Variants in NR6A1 observed in about 807,000 individuals in gnomAD.
NR6A1 encodes nuclear receptor subfamily 6 group A member 1.
A neutral mutation model predicts 59.1 loss-of-function variants in NR6A1; 7 were observed. The observed-to-expected ratio is 0.12, with a 90% CI of 0.07 to 0.22. NR6A1 has a LOEUF of 0.22. NR6A1 is among the 10% of genes least tolerant of loss of function. The pLI is 1.00. For synonymous variants in NR6A1, 243 were observed against 236.1 expected, an observed-to-expected ratio of 1.03 and a Z score of -0.27; for missense variants, 468 against 611.6, an observed-to-expected ratio of 0.77 and a Z score of 2.48.
intron 2 of NR6A1, among the ~76,000 whole-genome samples, chr9:124,597,714 C>A (rs1410381793): frequency 6.6e-6 from 1 of 152,118 alleles, no homozygotes; most frequent in Non-Finnish European, 1.5e-5. Flanking sequence ...GGATATAGAG[C>A]CACATTTCTT....
At chr9:124,743,334 A>G (rs1201608130) in intron 1 of NR6A1, among the ~76,000 whole-genome samples, 5 of 152,242 alleles carry the variant, frequency 3.3e-5, no homozygotes, top group Non-Finnish European at 7.3e-5. Flanking sequence ...ACATAGCACC[A>G]CAAGTCCATA....
At chr9:124,745,321 TCCTC>T (rs1261042601) in intron 1 of NR6A1, among the ~76,000 whole-genome samples, 1 of 152,132 alleles carries the variant, frequency 6.6e-6, no homozygotes, top group Non-Finnish European at 1.5e-5. Flanking sequence ...TAATTTTTCT[TCCTC>T]CATTCTACTT....
At chr9:124,636,628 C>G (rs1369185553) in intron 2 of NR6A1, among the ~76,000 whole-genome samples, 1 of 152,014 alleles carries the variant, frequency 6.6e-6, no homozygotes, top group Non-Finnish European at 1.5e-5. Flanking sequence ...CATTTTTTTG[C>G]ATATTGATGT....
intron 1 of NR6A1, among the ~76,000 whole-genome samples, chr9:124,763,967 T>A (rs1840852925): frequency 6.6e-6 from 1 of 152,118 alleles, no homozygotes. Context: ...GTGGATCACT[T>A]GAGGTCAGGA....
chr9:124,614,621 C>T (rs1244575927), intron 2 of NR6A1, among the ~76,000 whole-genome samples: 2 of 152,066 alleles, frequency 1.3e-5, no homozygotes, highest in African/African-American at 4.8e-5. Context: ...AGAATAGATC[C>T]TAAAAATATA....
Position 124,522,600 on chromosome 9 carries a change from T to A in NR6A1, c.*105A>T. 1 of 779,086 alleles carries A rather than the reference T, an allele frequency of 1.3e-6. No individual in the cohort carries two copies. Among genetic ancestry groups the A allele is most frequent in the Non-Finnish European group, 2.1e-6 (1 of 486,238 alleles). The allele number at this position is 779,086 out of a possible 1,614,324, so 48.3% of individuals were successfully genotyped here. On this transcript the variant is annotated 3_prime_UTR_variant, in exon 10 of 10. Coordinates refer to ENST00000487099, the MANE Select transcript of NR6A1 (RefSeq NM_033334.4). ...TTCTTGCTATGGAGGCAACGGGAAA[T>A]GCTGCTCCACAGCCTCCATCTTGGT...
chr9:124,583,498 A>G (rs866248251), intron 2 of NR6A1, among the ~76,000 whole-genome samples: 35 of 152,194 alleles, frequency 2.3e-4, no homozygotes, highest in African/African-American at 7.7e-4. Context: ...CTTTCTAGCA[A>G]GGTACATTAA....
At chr9:124,634,834 G>A (rs1836554839) in intron 2 of NR6A1, among the ~76,000 whole-genome samples, 1 of 152,116 alleles carries the variant, frequency 6.6e-6, no homozygotes, top group Non-Finnish European at 1.5e-5. Flanking sequence ...AAAAGAGAGA[G>A]AGAGAGAGAC....
intron 1 of NR6A1, among the ~76,000 whole-genome samples, chr9:124,757,958 A>C (rs1191955521): frequency 6.6e-6 from 1 of 152,196 alleles, no homozygotes; most frequent in Admixed American, 6.5e-5. Flanking sequence ...AAGCAAACTT[A>C]TTTTGAAATA....
chr9:124,700,926 A>G (rs960185774), intron 2 of NR6A1, among the ~76,000 whole-genome samples: 1 of 151,842 alleles, frequency 6.6e-6, no homozygotes, highest in African/African-American at 2.4e-5. Context: ...GCACCCAGCT[A>G]ATTTTTGTAT....
chr9:124,579,991 C>T (rs538222111), intron 2 of NR6A1, among the ~76,000 whole-genome samples: 2 of 152,300 alleles, frequency 1.3e-5, no homozygotes, highest in African/African-American at 2.4e-5. Flanking sequence ...GCCTGGACAA[C>T]AAGAACTAAA....
At chr9:124,732,553 A>C (rs1839915306) in intron 2 of NR6A1, among the ~76,000 whole-genome samples, 1 of 152,226 alleles carries the variant, frequency 6.6e-6, no homozygotes, top group Non-Finnish European at 1.5e-5. Flanking sequence ...CCGTAAATGA[A>C]AATTAAACTG....
At position 124,732,615 on chromosome 9, in the gene NR6A1, T is replaced by A. The variant is rs561812940; in HGVS notation, c.142+693A>T. Among the ~76,000 whole-genome samples the A allele has an allele frequency of 3.3e-5, 5 of 152,328 alleles. No homozygotes were observed. The South Asian group carries it at 1.0e-3, about 32-fold the overall frequency. ...TCTAAACTAAGCAAAATGCTTCTTT[T>A]AAAGAAATTATTTCAAAACTATCAA... On this transcript the variant is annotated intron_variant, in intron 2 of 9. Transcript: ENST00000487099.
intron 2 of NR6A1, among the ~76,000 whole-genome samples, chr9:124,696,212 G>A (rs559226558): frequency 5.9e-4 from 90 of 152,144 alleles, no homozygotes; most frequent in Non-Finnish European, 1.1e-3. Context: ...AACTCAGCAA[G>A]GAGACAATGA....
At chr9:124,647,759 G>GA (rs71492419) in intron 2 of NR6A1, among the ~76,000 whole-genome samples, 88,781 of 145,334 alleles carry the variant, frequency 0.61, 28,284 homozygotes, top group African/African-American at 0.8. Context: ...AGAAAGAAAA[G>GA]AAAAAAGAAA....
intron 2 of NR6A1, among the ~76,000 whole-genome samples, chr9:124,729,109 T>C (rs1839811705): frequency 1.3e-5 from 2 of 152,226 alleles, no homozygotes; most frequent in Admixed American, 1.3e-4. Flanking sequence ...TAAGCCAGTT[T>C]AGGTGTATTT....
At chr9:124,644,917 G>A (rs1054517974) in intron 2 of NR6A1, among the ~76,000 whole-genome samples, 2 of 152,280 alleles carry the variant, frequency 1.3e-5, no homozygotes, top group East Asian at 1.9e-4. Flanking sequence ...TCATGAAACC[G>A]ATGTTCTCCA....
At chr9:124,638,969 A>G (rs1836696387) in intron 2 of NR6A1, among the ~76,000 whole-genome samples, 1 of 152,174 alleles carries the variant, frequency 6.6e-6, no homozygotes, top group Non-Finnish European at 1.5e-5. Context: ...CTAAAAAGGG[A>G]GCTACAAGTA....
intron 2 of NR6A1, among the ~76,000 whole-genome samples, chr9:124,627,244 G>C (rs1262412480): frequency 6.6e-6 from 1 of 152,190 alleles, no homozygotes; most frequent in Non-Finnish European, 1.5e-5. Context: ...GTGTAACTGA[G>C]ATCAGAACCC....
Sources: gnomAD v4.1 joint callset for allele counts (sites outside exome capture counted in the v4.1 genomes callset) on GRCh38, gnomAD v4.1.1 for gene constraint, MANE v1.5 for transcripts, NCBI Gene and HGNC (gene_info 2026-07-23, HGNC 2026-07-21) for gene names.